The following ARHGAP8 variants were observed in gnomAD, a reference collection of about 807,000 sequenced individuals.
ARHGAP8 encodes the protein rho GTPase-activating protein 8.
ARHGAP8 carries 62 observed loss-of-function variants against 46.1 expected under a neutral mutation model. The observed-to-expected ratio is 1.34, with a 90% CI of 1.10 to 1.66. The LOEUF (loss-of-function observed/expected upper bound fraction) is 1.66. ARHGAP8 is among the 40% of genes most tolerant of loss of function. ARHGAP8 has a pLI of 0.00. For missense variants in ARHGAP8, 923 were observed against 568.4 expected, an observed-to-expected ratio of 1.62 and a Z score of -6.34; for synonymous variants, 375 against 243.1, an observed-to-expected ratio of 1.54 and a Z score of -5.05.
chr22:44,798,084 C>A (rs1285933378), intron 2 of ARHGAP8, among the ~76,000 whole-genome samples: 1 of 151,210 alleles, frequency 6.6e-6, no homozygotes, highest in East Asian at 2.0e-4. Context: ...TCAAGAGATT[C>A]TCCTGCCTCA....
At chr22:44,820,149 C>T (rs73889798) in intron 5 of ARHGAP8, among the ~76,000 whole-genome samples, 7,060 of 152,348 alleles carry the variant, frequency 0.046, 536 homozygotes, top group African/African-American at 0.16. Flanking sequence ...TCTAACAAAA[C>T]CCCAGCAACT....
chr22:44,840,438 C>T (rs903042797), intron 7 of ARHGAP8, among the ~76,000 whole-genome samples: 1 of 152,154 alleles, frequency 6.6e-6, no homozygotes, highest in Non-Finnish European at 1.5e-5. Flanking sequence ...TTGTTACATC[C>T]CCTCTCCCTT....
chr22:44,802,709 G>T (rs528615907), intron 3 of ARHGAP8, among the ~76,000 whole-genome samples: 1 of 152,130 alleles, frequency 6.6e-6, no homozygotes, highest in South Asian at 2.1e-4. Flanking sequence ...TGGAGGCTGC[G>T]GGGGAGCTTC....
Position 44,858,298 on chromosome 22 carries a change from C to T in ARHGAP8, c.878-1433C>T, listed in dbSNP as rs559764072. ...GCATAGGCATGCATGTGGCTGAGTG[C>T]ACACATGTGCATACATGTTCACACA... On this transcript the variant is annotated intron_variant, in intron 10 of 11. Transcript: ENST00000356099. 1.1e-4 allele frequency among the ~76,000 whole-genome samples: 17 copies of T among 151,184 alleles called. No individual in the cohort carries two copies. In the South Asian group the frequency reaches 1.5e-3, roughly 13 times the overall value.
At chr22:44,842,093 T>A (rs1931688945) in intron 7 of ARHGAP8, among the ~76,000 whole-genome samples, 1 of 152,198 alleles carries the variant, frequency 6.6e-6, no homozygotes, top group Non-Finnish European at 1.5e-5. Context: ...GCGCAGTGGC[T>A]CATGCCTATA....
intron 1 of ARHGAP8, among the ~76,000 whole-genome samples, chr22:44,758,553 A>G (rs940992799): frequency 6.6e-6 from 1 of 152,090 alleles, no homozygotes; most frequent in Non-Finnish European, 1.5e-5. Flanking sequence ...ACTTTAGCCA[A>G]TGATGATAAT....
intron 4 of ARHGAP8, 88 bp from the exon 5 acceptor site, chr22:44,814,584 C>A: frequency 9.2e-7 from 1 of 1,087,784 alleles, no homozygotes; most frequent in Non-Finnish European, 1.4e-6. Context: ...CTGAGACTCA[C>A]AGTGGAGGCA....
At chr22:44,857,516 C>G (rs1333226370) in intron 10 of ARHGAP8, among the ~76,000 whole-genome samples, 1 of 152,092 alleles carries the variant, frequency 6.6e-6, no homozygotes, top group African/African-American at 2.4e-5. Flanking sequence ...AAACGAAGGC[C>G]CAGAGATCCA....
intron 7 of ARHGAP8, among the ~76,000 whole-genome samples, chr22:44,836,847 C>A (rs1372767330): frequency 2.0e-5 from 3 of 151,886 alleles, no homozygotes; most frequent in African/African-American, 7.3e-5. Flanking sequence ...TCCTCCCTCC[C>A]CCTTCCCTCC....
intron 7 of ARHGAP8, among the ~76,000 whole-genome samples, chr22:44,828,337 C>T (rs1047533071): frequency 4.0e-5 from 6 of 151,278 alleles, no homozygotes; most frequent in Non-Finnish European, 7.4e-5. Flanking sequence ...GAATGCTGGG[C>T]GGGGCAGGCA....
intron 4 of ARHGAP8, chr22:44,808,890 T>C (rs147042926): frequency 0.064 from 23,348 of 363,608 alleles, 896 homozygotes; most frequent in African/African-American, 0.098. Flanking sequence ...CAATCATGGT[T>C]CACTGCAGCC....
chr22:44,802,985 C>CCTGCTGCTGCTG (rs5845671), intron 3 of ARHGAP8, among the ~76,000 whole-genome samples: 2 of 151,376 alleles, frequency 1.3e-5, no homozygotes, highest in Admixed American at 1.3e-4. Flanking sequence ...AAGACAAGGG[C>CCTGCTGCTGCTG]CTGCTGCTGC....
rs899047406 is a variant in ARHGAP8 at position 44,850,958 on chromosome 22, C to T, written c.877+1898C>T. 16 of 87,924 alleles carry T rather than the reference C, an allele frequency of 1.8e-4. No homozygotes were observed. In the Admixed American group the frequency reaches 2.0e-3, roughly 11 times the overall value. The allele number at this position is 87,924 out of a possible 1,614,324, so 5.4% of individuals were successfully genotyped here. A position where few individuals can be genotyped will look rare whatever the true frequency, so the allele number is the denominator to read the frequency against. On this transcript the variant is annotated intron_variant, in intron 10 of 11. Transcript: ENST00000356099. ...CAGCCTAGGTGACAGAACAAGACTC[C>T]ATCTCAAAAAAAAAAAAAAAAAAAG...
chr22:44,860,489 C>CAT (rs570523359), intron 11 of ARHGAP8, among the ~76,000 whole-genome samples: 55 of 152,174 alleles, frequency 3.6e-4, no homozygotes, highest in African/African-American at 1.3e-3. Context: ...GACCCCCTGC[C>CAT]ATATGTCACT....
chr22:44,766,617 C>T (rs995732042), intron 1 of ARHGAP8, among the ~76,000 whole-genome samples: 6 of 152,114 alleles, frequency 3.9e-5, no homozygotes, highest in East Asian at 1.9e-4. Flanking sequence ...GTGGAAAGTA[C>T]GCACATGATT....
chr22:44,819,230 C>T (rs1929959271), intron 5 of ARHGAP8, among the ~76,000 whole-genome samples: 1 of 152,098 alleles, frequency 6.6e-6, no homozygotes, highest in South Asian at 2.1e-4. Flanking sequence ...CCATGCCCAG[C>T]TAAATTTTGA....
At chr22:44,858,815 G>A (rs2070325687) in intron 10 of ARHGAP8, among the ~76,000 whole-genome samples, 1 of 150,928 alleles carries the variant, frequency 6.6e-6, no homozygotes, top group Admixed American at 6.6e-5. Context: ...CAAAGTGTGG[G>A]CGATTTGTGG....
At chr22:44,813,443 CACAT>C (rs1235666778) in intron 4 of ARHGAP8, among the ~76,000 whole-genome samples, 1 of 137,096 alleles carries the variant, frequency 7.3e-6, no homozygotes, top group African/African-American at 3.0e-5. Context: ...CCTACATACA[CACAT>C]ACCCACCTAC....
chr22:44,808,656 C>A, intron 4 of ARHGAP8: 1 of 881,080 alleles, frequency 1.1e-6, no homozygotes, highest in Non-Finnish European at 1.8e-6. Context: ...TTTTTTCTTT[C>A]TTTCTTTTTT....
Sources: gnomAD v4.1 joint callset for allele counts (sites outside exome capture counted in the v4.1 genomes callset) on GRCh38, gnomAD v4.1.1 for gene constraint, MANE v1.5 for transcripts, NCBI Gene and HGNC (gene_info 2026-07-23, HGNC 2026-07-21) for gene names.